HPCAL1: variants seen among roughly 807,000 people sequenced by gnomAD.
HPCAL1 encodes hippocalcin like 1.
Under a neutral mutation model 17.1 loss-of-function variants are expected in HPCAL1, and 8 were observed. That is an observed-to-expected ratio of 0.47 (90% CI 0.27 to 0.84). The LOEUF (loss-of-function observed/expected upper bound fraction) is 0.84. Among genes scored for constraint, HPCAL1 ranks in the 40% least tolerant of loss-of-function variants. HPCAL1 has a pLI of 0.13. For synonymous variants in HPCAL1, 112 were observed against 111.4 expected, an observed-to-expected ratio of 1.01 and a Z score of -0.03; for missense variants, 165 against 271.1, an observed-to-expected ratio of 0.61 and a Z score of 2.75.
intron 1 of HPCAL1, among the ~76,000 whole-genome samples, chr2:10,306,116 G>GC (rs1328109989): frequency 6.6e-6 from 1 of 152,192 alleles, no homozygotes; most frequent in African/African-American, 2.4e-5. Context: ...ACTAACGGGG[G>GC]CCCCGGAGTT....
chr2:10,401,672 G>A (rs1286990709), intron 2 of HPCAL1, among the ~76,000 whole-genome samples: 1 of 152,116 alleles, frequency 6.6e-6, no homozygotes, highest in African/African-American at 2.4e-5. Flanking sequence ...TGTGCTTCCT[G>A]TGTTCTAGGC....
chr2:10,410,627 A>G (rs1023002782), intron 2 of HPCAL1, among the ~76,000 whole-genome samples: 7 of 152,036 alleles, frequency 4.6e-5, no homozygotes, highest in South Asian at 2.1e-4. Context: ...TTGCTTGAAT[A>G]TGAATCTTTT....
chr2:10,380,352 A>C (rs1455774671), intron 1 of HPCAL1, among the ~76,000 whole-genome samples: 1 of 152,040 alleles, frequency 6.6e-6, no homozygotes, highest in Non-Finnish European at 1.5e-5. Context: ...TCTGGGGACT[A>C]TTTATGTAGG....
chr2:10,336,096 C>T (rs984520531), intron 1 of HPCAL1, among the ~76,000 whole-genome samples: 6 of 147,068 alleles, frequency 4.1e-5, no homozygotes, highest in Middle Eastern at 3.4e-3. Context: ...ATTGCATGTG[C>T]GTATCTTCTG....
rs1670903509 is a variant in HPCAL1, at chr2:10,419,598, C to T, written c.-24-136C>T. On this transcript the variant is annotated intron_variant, in intron 2 of 4. Transcript: ENST00000307845. This position sits in a 1 kb window ranked among gnomAD's most constrained non-coding sequence, Gnocchi z 5.0. ...TGGTGGTCCATAAGATAGCGGCATG[C>T]CTTCCGATGGGGGACCCGGGAGTTG... The T allele has an allele frequency of 4.0e-6, 3 of 741,496 alleles. No homozygotes were observed. Among genetic ancestry groups the T allele is most frequent in the Admixed American group, 6.0e-5 (2 of 33,506 alleles). 45.9% of individuals were successfully genotyped at this position (741,496 alleles called of 1,614,324 possible). A position where few individuals can be genotyped will look rare whatever the true frequency, so the allele number is the denominator to read the frequency against.
At position 10,403,405 on chromosome 2, in the gene HPCAL1, C is replaced by T. The variant is rs143560351; in HGVS notation, c.-25+6485C>T. ...ACATAGCCACTGTCACCCAGGCCTC[C>T]AGCTCCATTCTGCAGTTGAAAATGA... On this transcript the variant is annotated intron_variant, in intron 2 of 4. Transcript: ENST00000307845. 3.3e-3 allele frequency among the ~76,000 whole-genome samples: 500 copies of T among 152,036 alleles called. 2 individuals carry two copies. The highest frequency in any genetic ancestry group is 0.01 in the Middle Eastern group (3 of 294).
At chr2:10,383,807 G>A (rs1339285386) in intron 1 of HPCAL1, among the ~76,000 whole-genome samples, 1 of 152,162 alleles carries the variant, frequency 6.6e-6, no homozygotes, top group Non-Finnish European at 1.5e-5. Context: ...TGTGTGCGGG[G>A]AAGGGGGGGC....
chr2:10,375,704 G>T (rs892553984), intron 1 of HPCAL1, among the ~76,000 whole-genome samples: 1 of 152,194 alleles, frequency 6.6e-6, no homozygotes, highest in Non-Finnish European at 1.5e-5. Context: ...CAGGGACAGG[G>T]ATCATACCTT....
intron 1 of HPCAL1, among the ~76,000 whole-genome samples, chr2:10,337,575 G>A (rs934991864): frequency 1.3e-5 from 2 of 152,138 alleles, no homozygotes; most frequent in Non-Finnish European, 2.9e-5. Flanking sequence ...GGGGTTGCAG[G>A]TGCTTCTCCA....
At chr2:10,366,329 G>A (rs764060988) in intron 1 of HPCAL1, among the ~76,000 whole-genome samples, 5 of 152,086 alleles carry the variant, frequency 3.3e-5, no homozygotes, top group Non-Finnish European at 5.9e-5. Flanking sequence ...TCTGCCTCCC[G>A]GGTTCAAGCG....
Position 10,364,522 on chromosome 2 carries a change from C to A in HPCAL1, c.-110-32313C>A, listed in dbSNP as rs368784010. On this transcript the variant is annotated intron_variant, in intron 1 of 4. Transcript: ENST00000307845. ...GGGGGAGACTCCTCGCTGCTTCCCT[C>A]GGGATGGTTTCCATGAACTTCCCTC... Among the ~76,000 whole-genome samples, 477 of 151,240 alleles carry A rather than the reference C, an allele frequency of 3.2e-3. 2 individuals are homozygous for A. Among genetic ancestry groups the A allele is most frequent in the Middle Eastern group, 0.011 (3 of 282 alleles).
Position 10,426,909 on chromosome 2 carries a change from T to C in HPCAL1, c.*88T>C. ...GCAAGAGTGGATGCCCCGCAATCGTTCCTGCTCTCCCGGGCCCCGGGCCTG... is the reference window on the plus strand; with the variant it reads ...GCAAGAGTGGATGCCCCGCAATCGTCCCTGCTCTCCCGGGCCCCGGGCCTG... On this transcript the variant is annotated 3_prime_UTR_variant, in exon 5 of 5. Transcript: ENST00000307845. 2.3e-6 allele frequency: 3 copies of C among 1,278,250 alleles called. No homozygotes were observed. Among genetic ancestry groups the C allele is most frequent in the Non-Finnish European group, 3.4e-6 (3 of 885,702 alleles). 79.2% of individuals were successfully genotyped at this position (1,278,250 alleles called of 1,614,324 possible).
intron 1 of HPCAL1, among the ~76,000 whole-genome samples, chr2:10,373,334 G>T (rs1471870928): frequency 2.0e-5 from 3 of 152,182 alleles, no homozygotes; most frequent in Non-Finnish European, 4.4e-5. Context: ...GGCAGGGCCT[G>T]GGCCCCCAGC....
chr2:10,424,479 A>G (rs1671278247), intron 4 of HPCAL1: 1 of 470,598 alleles, frequency 2.1e-6, no homozygotes, highest in Non-Finnish European at 4.4e-6. Flanking sequence ...AGCTTTTAGC[A>G]GGGCTTGCAC....
Position 10,426,919 on chromosome 2 carries a change from C to T in HPCAL1, c.*98C>T. On this transcript the variant is annotated 3_prime_UTR_variant, in exon 5 of 5. Coordinates refer to ENST00000307845, the MANE Select transcript of HPCAL1 (RefSeq NM_002149.4). The stretch of plus-strand genomic sequence containing the variant: ...ATGCCCCGCAATCGTTCCTGCTCTC[C>T]CGGGCCCCGGGCCTGGGGCATGCGT... The T allele has an allele frequency of 8.7e-7, 1 of 1,149,534 alleles. No homozygotes were observed. Among genetic ancestry groups the T allele is most frequent in the Non-Finnish European group, 1.3e-6 (1 of 779,274 alleles). 71.2% of individuals were successfully genotyped at this position (1,149,534 alleles called of 1,614,324 possible).
Position 10,349,702 on chromosome 2 carries a change from C to CAAAAAAAAAAAAAAAAAAAA in HPCAL1, c.-111+46543_-111+46562dup, listed in dbSNP as rs55897775. Among the ~76,000 whole-genome samples the CAAAAAAAAAAAAAAAAAAAA allele has an allele frequency of 3.8e-5, 2 of 52,730 alleles. 1 individual carries two copies. The highest frequency in any genetic ancestry group is 1.9e-4 in the African/African-American group (2 of 10,276). 34.6% of individuals were successfully genotyped at this position (52,730 alleles called of 152,430 possible). ...TGGGTGACAGAGCAAGACTCTGTCT[C>CAAAAAAAAAAAAAAAAAAAA]AAAAAAAAAAAAAAAAAAAAAAAAA... On this transcript the variant is annotated intron_variant, in intron 1 of 4. Transcript: ENST00000307845.
rs1206518390 is a variant in HPCAL1, at chr2:10,399,579, G to GCCACCACTACCT, written c.-25+2664_-25+2665insACTACCTCCACC. Among the ~76,000 whole-genome samples, 195 of 98,400 alleles carry GCCACCACTACCT rather than the reference G, an allele frequency of 2.0e-3. 1 individual carries two copies. Among genetic ancestry groups the GCCACCACTACCT allele is most frequent in the Non-Finnish European group, 2.8e-3 (132 of 46,994 alleles). The allele number at this position is 98,400 out of a possible 152,430, so 64.6% of individuals were successfully genotyped here. On this transcript the variant is annotated intron_variant, in intron 2 of 4. Coordinates refer to ENST00000307845, the MANE Select transcript of HPCAL1 (RefSeq NM_002149.4). ...CACTACCGCCACCGCCACCACCACC[G>GCCACCACTACCT]CCACCGCCACCGCCACCACCACCAC... is the stretch of plus-strand genomic sequence containing the variant.
At position 10,342,524 on chromosome 2, in the gene HPCAL1, C is replaced by T. The variant is rs75643771; in HGVS notation, c.-111+39347C>T. Among the ~76,000 whole-genome samples the T allele has an allele frequency of 2.0e-5, 3 of 151,942 alleles. No individual in the cohort carries two copies. Among genetic ancestry groups the T allele is most frequent in the African/African-American group, 7.3e-5 (3 of 41,242 alleles). On this transcript the variant is annotated intron_variant, in intron 1 of 4. Coordinates refer to ENST00000307845, the MANE Select transcript of HPCAL1 (RefSeq NM_002149.4). This position sits in a 1 kb window ranked among gnomAD's most constrained non-coding sequence, Gnocchi z 4.1. Reference sequence around the variant, plus strand: ...CAGCCTGGGGGAGGGTGGGAGGGGACTCCCAGGGAGCGGGGCTTGTGCTGG... The same window carrying T: ...CAGCCTGGGGGAGGGTGGGAGGGGATTCCCAGGGAGCGGGGCTTGTGCTGG...
chr2:10,407,975 A>G (rs10189719), intron 2 of HPCAL1, among the ~76,000 whole-genome samples: 51,998 of 152,040 alleles, frequency 0.34, 9,127 homozygotes, highest in South Asian at 0.45. Flanking sequence ...TGACCTTTGC[A>G]TTGGGCTTTG....
Sources: gnomAD v4.1 joint callset for allele counts (sites outside exome capture counted in the v4.1 genomes callset) on GRCh38, gnomAD v4.1.1 for gene constraint, Gnocchi (gnomAD v3.1) non-coding constraint, MANE v1.5 for transcripts, NCBI Gene and HGNC (gene_info 2026-07-23, HGNC 2026-07-21) for gene names.